Variants in PAPPA observed in about 807,000 individuals in gnomAD.
PAPPA encodes the protein pappalysin 1.
Under a neutral mutation model 164.0 loss-of-function variants are expected in PAPPA, and 60 were observed. The observed-to-expected ratio is 0.37, with a 90% confidence interval of 0.30 to 0.45. The LOEUF (loss-of-function observed/expected upper bound fraction) is 0.45, where lower values mean the gene tolerates loss of function less well. PAPPA is among the 20% of genes least tolerant of loss of function. PAPPA has a pLI of 1.00. For synonymous variants in PAPPA, 875 were observed against 814.1 expected, an observed-to-expected ratio of 1.07 and a Z score of -1.27; for missense variants, 1,782 against 2,087.3, an observed-to-expected ratio of 0.85 and a Z score of 2.85.
At chr9:116,308,773 C>T (rs967684537) in intron 10 of PAPPA, among the ~76,000 whole-genome samples, 4 of 152,204 alleles carry the variant, frequency 2.6e-5, no homozygotes, top group Admixed American at 2.6e-4. Context: ...CTAAGATCTC[C>T]ATCTTTTGGC....
In PAPPA at chr9:116,220,012, G is replaced by T. The variant is rs1443507176; in HGVS notation, c.1994G>T (p.Gly665Val). ...MHCYLDLVYQ[G>V]WQPSRKPAPV... The stretch of plus-strand genomic sequence containing the variant: ...TGTTACCTGGACCTGGTCTACCAGG[G>T]CTGGCAGCCCTCCAGGAAACCAGCG... The change falls in exon 5 of 22, where the codon GGC becomes GTC. Residue 665 changes from glycine to valine, a missense_variant. Around this residue, in one of 2 missense-constraint regions of PAPPA, gnomAD observed 1,324 missense variants for 1,656.9 expected, o/e 0.80. Transcript: ENST00000328252. The T allele has an allele frequency of 6.2e-7, 1 of 1,614,114 alleles. No homozygotes were observed. The highest frequency in any genetic ancestry group is 1.1e-5 in the South Asian group (1 of 91,086).
At chr9:116,327,475 A>G (rs1019491314) in intron 10 of PAPPA, among the ~76,000 whole-genome samples, 2 of 152,124 alleles carry the variant, frequency 1.3e-5, no homozygotes, top group African/African-American at 4.8e-5. Flanking sequence ...AGAGCTAAAG[A>G]GGCCCCTAGA....
intron 10 of PAPPA, among the ~76,000 whole-genome samples, chr9:116,310,111 G>A (rs1482292431): frequency 6.6e-6 from 1 of 152,206 alleles, no homozygotes; most frequent in Non-Finnish European, 1.5e-5. Context: ...TAATTAGAGT[G>A]TGCTATTTGC....
chr9:116,371,657 G>T (rs1846576458), intron 19 of PAPPA, among the ~76,000 whole-genome samples: 1 of 151,530 alleles, frequency 6.6e-6, no homozygotes, highest in African/African-American at 2.4e-5. Context: ...TGCCCAGGCT[G>T]GTTTTGAACT....
At chr9:116,160,663 T>A (rs1843655658) in intron 1 of PAPPA, among the ~76,000 whole-genome samples, 1 of 152,198 alleles carries the variant, frequency 6.6e-6, no homozygotes, top group Non-Finnish European at 1.5e-5. Flanking sequence ...GGCTCGGGAA[T>A]CCAGTAGGTA....
chr9:116,396,837 G>A lies in PAPPA; in HGVS notation c.*221G>A, dbSNP rs1846971337. The stretch of plus-strand genomic sequence containing the variant: ...GAAATGGATTCCCATCCCAAAGTCT[G>A]AGATGGATTGCATATACAGTGTGCA... On this transcript the variant is annotated 3_prime_UTR_variant, in exon 22 of 22. Coordinates refer to ENST00000328252, the MANE Select transcript of PAPPA (RefSeq NM_002581.5). 1.7e-6 allele frequency: 1 copy of A among 576,224 alleles called. No homozygotes were observed. Among genetic ancestry groups the A allele is most frequent in the Non-Finnish European group, 3.1e-6 (1 of 321,714 alleles). 35.7% of individuals were successfully genotyped at this position (576,224 alleles called of 1,614,324 possible). A position where few individuals can be genotyped will look rare whatever the true frequency, so the allele number is the denominator to read the frequency against.
At chr9:116,384,270 T>TTAATAATAATAATAATAA (rs3040228) in intron 21 of PAPPA, among the ~76,000 whole-genome samples, 370 of 138,266 alleles carry the variant, frequency 2.7e-3, no homozygotes, top group South Asian at 4.3e-3. Context: ...CTACACGTAA[T>TTAATAATAATAATAATAA]TAATAATAAT....
At chr9:116,307,973 GT>G (rs1845668335) in intron 10 of PAPPA, among the ~76,000 whole-genome samples, 1 of 152,104 alleles carries the variant, frequency 6.6e-6, no homozygotes, top group African/African-American at 2.4e-5. Flanking sequence ...TTGATGGGTA[GT>G]TCAAATGTTA....
At chr9:116,157,183 G>T (rs926189556) in intron 1 of PAPPA, among the ~76,000 whole-genome samples, 1 of 152,164 alleles carries the variant, frequency 6.6e-6, no homozygotes, top group Non-Finnish European at 1.5e-5. Flanking sequence ...CGGGTCTGTC[G>T]TCTGGCAGAG....
intron 9 of PAPPA, among the ~76,000 whole-genome samples, chr9:116,297,506 C>T (rs1845524339): frequency 6.6e-6 from 1 of 152,198 alleles, no homozygotes; most frequent in Admixed American, 6.5e-5. Context: ...ATTTCTGTCA[C>T]TTATTCACCT....
In PAPPA at chr9:116,347,003, CTA is replaced by C. The variant is rs771345480; in HGVS notation, c.3781-21_3781-20del. 104 of 1,590,752 alleles carry C rather than the reference CTA, an allele frequency of 6.5e-5. 1 individual carries two copies. In the South Asian group the frequency reaches 1.1e-3, roughly 17 times the overall value. On this transcript the variant is annotated intron_variant, in intron 14 of 21. Transcript: ENST00000328252. The surrounding 1 kb of genome is among the most constrained non-coding windows in gnomAD (Gnocchi z 4.5). The stretch of plus-strand genomic sequence containing the variant: ...CTAGAGCTCAGTCTGCCACTCCTCA[CTA>C]TGCACGACTCTGCCTTTCAGACGGG...
chr9:116,220,918 A>G (rs1844437256), intron 5 of PAPPA, among the ~76,000 whole-genome samples: 1 of 151,932 alleles, frequency 6.6e-6, no homozygotes, highest in Non-Finnish European at 1.5e-5. Flanking sequence ...ATATACATAT[A>G]TGACATATAA....
intron 1 of PAPPA, among the ~76,000 whole-genome samples, chr9:116,160,144 C>T (rs572993230): frequency 1.1e-4 from 17 of 152,340 alleles, no homozygotes; most frequent in Middle Eastern, 3.4e-3. Flanking sequence ...CTGACATCCT[C>T]TTGTTCTGCA....
At chr9:116,242,594 C>T (rs1844749193) in intron 7 of PAPPA, among the ~76,000 whole-genome samples, 1 of 152,208 alleles carries the variant, frequency 6.6e-6, no homozygotes. Flanking sequence ...TAGGTCACTT[C>T]ACACATTTTT....
chr9:116,199,021 GT>G (rs1251835126), intron 2 of PAPPA, among the ~76,000 whole-genome samples: 1 of 152,020 alleles, frequency 6.6e-6, no homozygotes, highest in Non-Finnish European at 1.5e-5. Flanking sequence ...AGTAATTGTG[GT>G]TTTTGCCATT....
intron 1 of PAPPA, among the ~76,000 whole-genome samples, chr9:116,155,421 T>C (rs1010284532): frequency 3.9e-5 from 6 of 152,072 alleles, no homozygotes; most frequent in Non-Finnish European, 8.8e-5. Context: ...GCATCCATTT[T>C]CCCCCCTCTA....
chr9:116,340,921 G>C, intron 13 of PAPPA, among the ~76,000 whole-genome samples: 1 of 152,160 alleles, frequency 6.6e-6, no homozygotes, highest in Non-Finnish European at 1.5e-5. Context: ...ATAGCAAAAA[G>C]AGACAGAGTA....
chr9:116,314,060 C>CTTTTTTTTTTTT (rs57871796), intron 10 of PAPPA, among the ~76,000 whole-genome samples: 9 of 69,728 alleles, frequency 1.3e-4, no homozygotes, highest in South Asian at 4.7e-4. Context: ...TGCATCGAAT[C>CTTTTTTTTTTTT]TTTTTTTTTT....
At chr9:116,199,772 G>A (rs1349252841) in intron 2 of PAPPA, among the ~76,000 whole-genome samples, 1 of 152,128 alleles carries the variant, frequency 6.6e-6, no homozygotes, top group Non-Finnish European at 1.5e-5. Context: ...GACAGTACAA[G>A]AAGCCTGGCA....
Sources: gnomAD v4.1 joint callset for allele counts (sites outside exome capture counted in the v4.1 genomes callset) on GRCh38, gnomAD v4.1.1 for gene constraint, gnomAD v4.1.1 regional missense constraint, Gnocchi (gnomAD v3.1) non-coding constraint, MANE v1.5 for transcripts, NCBI Gene and HGNC (gene_info 2026-07-23, HGNC 2026-07-21) for gene names.